The following MPRIP variants were observed in gnomAD, a reference collection of about 807,000 sequenced individuals.
MPRIP encodes the protein myosin phosphatase Rho-interacting protein.
In MPRIP, 59 loss-of-function variants were observed where a neutral mutation model predicts 234.9. That is an observed-to-expected ratio of 0.25 (90% CI 0.20 to 0.31). MPRIP has a LOEUF of 0.31. MPRIP is among the 10% of genes least tolerant of loss of function. The probability of loss-of-function intolerance (pLI) is 1.00; values close to 1 mark genes in which losing one functional copy is unlikely to be tolerated. For synonymous variants in MPRIP, 1,144 were observed against 1,263.9 expected, an observed-to-expected ratio of 0.91 and a Z score of 2.01; for missense variants, 2,436 against 3,071.0, an observed-to-expected ratio of 0.79 and a Z score of 4.89.
intron 13 of MPRIP, among the ~76,000 whole-genome samples, chr17:17,157,366 C>G (rs1464608032): frequency 6.6e-6 from 1 of 152,228 alleles, no homozygotes; most frequent in Admixed American, 6.5e-5. Context: ...CTTGCCTGCT[C>G]AAGGTGGCAG....
At chr17:17,087,483 A>G (rs1221468165) in intron 3 of MPRIP, among the ~76,000 whole-genome samples, 1 of 152,232 alleles carries the variant, frequency 6.6e-6, no homozygotes, top group Non-Finnish European at 1.5e-5. Context: ...GAGCAGGCAA[A>G]GAGGATCAGA....
At chr17:17,045,457 G>T (rs902857288) in intron 1 of MPRIP, among the ~76,000 whole-genome samples, 1 of 152,200 alleles carries the variant, frequency 6.6e-6, no homozygotes, top group African/African-American at 2.4e-5. Context: ...CCGGTGAGAA[G>T]ATTGAAACCC....
intron 5 of MPRIP, 126 bp downstream of exon 5, chr17:17,131,827 C>T: frequency 3.8e-6 from 3 of 792,608 alleles, no homozygotes; most frequent in Admixed American, 4.4e-5. Context: ...ACCAACTCTG[C>T]ACATCCTTGC....
chr17:17,108,560 T>A (rs1380819234), intron 3 of MPRIP, among the ~76,000 whole-genome samples: 5 of 152,238 alleles, frequency 3.3e-5, no homozygotes, highest in African/African-American at 1.2e-4. Flanking sequence ...ATTACATTAT[T>A]CAGCAAAAGT....
intron 23 of MPRIP, chr17:17,180,566 G>A (rs763393638): frequency 8.2e-5 from 129 of 1,579,322 alleles, no homozygotes; most frequent in Non-Finnish European, 1.1e-4. Context: ...CGTGTGTTTG[G>A]GATTGGTTGT....
chr17:17,092,817 T>G (rs768915985), intron 3 of MPRIP, among the ~76,000 whole-genome samples: 2 of 152,200 alleles, frequency 1.3e-5, no homozygotes, highest in Non-Finnish European at 2.9e-5. Context: ...ATCCAACTTG[T>G]GTTCTAGGAC....
intron 3 of MPRIP, among the ~76,000 whole-genome samples, chr17:17,096,002 C>CCCCA (rs1555569473): frequency 6.6e-6 from 1 of 151,954 alleles, no homozygotes. Context: ...ACCTCCCCCC[C>CCCCA]ACACACACTT....
intron 16 of MPRIP, chr17:17,171,346 C>T (rs1157843354): frequency 5.3e-6 from 1 of 188,838 alleles, no homozygotes; most frequent in Non-Finnish European, 1.1e-5. Context: ...CACGTGCTCT[C>T]TCTTCCTTCC....
intron 1 of MPRIP, among the ~76,000 whole-genome samples, chr17:17,061,729 G>C (rs1472959578): frequency 6.6e-6 from 1 of 152,150 alleles, no homozygotes; most frequent in African/African-American, 2.4e-5. Context: ...CTGGGGTGGA[G>C]CCTGGTGTGA....
intron 4 of MPRIP, among the ~76,000 whole-genome samples, chr17:17,130,363 C>T (rs2090572050): frequency 6.6e-6 from 1 of 151,822 alleles, no homozygotes; most frequent in African/African-American, 2.4e-5. Context: ...TTTCTCCTTC[C>T]CTCTCTTCCT....
At chr17:17,122,880 A>ACC (rs2090419183) in intron 3 of MPRIP, among the ~76,000 whole-genome samples, 1 of 152,160 alleles carries the variant, frequency 6.6e-6, no homozygotes, top group Non-Finnish European at 1.5e-5. Flanking sequence ...CTAGGTACAC[A>ACC]CCCAAGAGAA....
intron 11 of MPRIP, among the ~76,000 whole-genome samples, chr17:17,148,094 T>C (rs1467437128): frequency 6.6e-6 from 1 of 152,188 alleles, no homozygotes; most frequent in Admixed American, 6.5e-5. Context: ...ATACCCATCA[T>C]TAAGGGCCGG....
intron 3 of MPRIP, among the ~76,000 whole-genome samples, chr17:17,086,840 CT>C (rs1250449826): frequency 6.6e-6 from 1 of 152,168 alleles, no homozygotes; most frequent in Admixed American, 6.5e-5. Context: ...TTCTCTGTAC[CT>C]CCGTGGGAGC....
At chr17:17,139,882 G>A (rs1437081329) in intron 7 of MPRIP, among the ~76,000 whole-genome samples, 2 of 152,204 alleles carry the variant, frequency 1.3e-5, no homozygotes, top group Non-Finnish European at 2.9e-5. Flanking sequence ...GCACTTGGCT[G>A]CCTTAATGTT....
intron 1 of MPRIP, among the ~76,000 whole-genome samples, chr17:17,051,450 C>G (rs761774340): frequency 2.0e-5 from 3 of 152,170 alleles, no homozygotes; most frequent in Non-Finnish European, 4.4e-5. Context: ...CACCGTTGGA[C>G]CAGGTGGATG....
intron 1 of MPRIP, among the ~76,000 whole-genome samples, chr17:17,059,681 T>C (rs2088814542): frequency 6.6e-6 from 1 of 152,234 alleles, no homozygotes; most frequent in African/African-American, 2.4e-5. Context: ...TGTCTTCGTC[T>C]CCTTGTTGGT....
intron 3 of MPRIP, among the ~76,000 whole-genome samples, chr17:17,091,615 ACCCTTTTCCAGTG>A (rs2089720129): frequency 6.6e-6 from 1 of 152,020 alleles, no homozygotes; most frequent in African/African-American, 2.4e-5. Flanking sequence ...TGGACAGCCG[ACCCTTTTCCAGTG>A]CCCTTTTCAC....
intron 1 of MPRIP, among the ~76,000 whole-genome samples, chr17:17,061,100 G>A (rs981948559): frequency 6.6e-6 from 1 of 152,196 alleles, no homozygotes; most frequent in Non-Finnish European, 1.5e-5. Flanking sequence ...GCACAGCTCC[G>A]CCAAGAAGCT....
chr17:17,159,743 T>C (rs1272063031), intron 14 of MPRIP, among the ~76,000 whole-genome samples: 3 of 152,248 alleles, frequency 2.0e-5, no homozygotes, highest in African/African-American at 7.2e-5. Context: ...TTACAGTTTT[T>C]GTAGAACTCC....
Sources: allele counts gnomAD v4.1 joint callset (sites outside exome capture counted in the v4.1 genomes callset), GRCh38; gene constraint gnomAD v4.1.1; transcripts MANE v1.5; gene names NCBI Gene and HGNC (gene_info 2026-07-23, HGNC 2026-07-21).